The following COMMD2 variants were observed in gnomAD, a reference collection of about 807,000 sequenced individuals.
COMMD2 encodes COMM domain containing 2, also known as COMM domain-containing protein 2.
Under a neutral mutation model 22.5 loss-of-function variants are expected in COMMD2, and 25 were observed. That is an observed-to-expected ratio of 1.11 (90% CI 0.81 to 1.55). The LOEUF is 1.55. COMMD2 is among the 40% of genes most tolerant of loss of function. The pLI, the probability that COMMD2 is intolerant of heterozygous loss-of-function variation, is 0.00. For synonymous variants in COMMD2, 98 were observed against 91.2 expected (o/e 1.07, Z -0.42); for missense variants, 223 against 232.9 (o/e 0.96, Z 0.28).
chr3:149,748,989 ATTG>A (rs767238209), intron 4 of COMMD2, among the ~76,000 whole-genome samples: 7 of 151,032 alleles, frequency 4.6e-5, no homozygotes, highest in Non-Finnish European at 8.9e-5. Flanking sequence ...TTCCTACATG[ATTG>A]TTTTTTAATG....
chr3:149,751,862 T>A (rs114193008), intron 2 of COMMD2: 244 of 276,454 alleles, frequency 8.8e-4, no homozygotes, highest in African/African-American at 5.3e-3. Context: ...AAAGCGGATA[T>A]CTGAACAACT....
In COMMD2 at chr3:149,751,246, A is replaced by C. The variant is rs1048200133; in HGVS notation, c.228+157T>G. ...AGAGGTATTCATATCAGCAGATGATATGATTTTTATTTTTTAGGTATGTCT... is the reference window on the plus strand; with the variant it reads ...AGAGGTATTCATATCAGCAGATGATCTGATTTTTATTTTTTAGGTATGTCT... On this transcript the variant is annotated intron_variant, in intron 3 of 4. Transcript: ENST00000473414. The C allele has an allele frequency of 9.6e-6, 11 of 1,147,436 alleles. No individual in the cohort carries two copies. The East Asian group carries it at 2.9e-4, about 30-fold the overall frequency. The allele number at this position is 1,147,436 out of a possible 1,614,324, so 71.1% of individuals were successfully genotyped here. A position where few individuals can be genotyped will look rare whatever the true frequency, so the allele number is the denominator to read the frequency against.
chr3:149,745,379 T>G (rs1246439171), intron 4 of COMMD2, among the ~76,000 whole-genome samples: 4 of 152,146 alleles, frequency 2.6e-5, no homozygotes, highest in Non-Finnish European at 5.9e-5. Context: ...TCATGCCTAT[T>G]ATATGCCAGG....
chr3:149,752,281 G>A lies in COMMD2; in HGVS notation c.74C>T (p.Ala25Val). The A allele has an allele frequency of 6.2e-7, 1 of 1,614,074 alleles. No individual in the cohort carries two copies. The highest frequency in any genetic ancestry group is 8.5e-7 in the Non-Finnish European group (1 of 1,179,960). ...FLPQVDSAVV[A>V]EFGRIAVEFL... Reference sequence around the variant, plus strand: ...TTCCACAGCAATCCGCCCAAACTCGGCGACCACTGCAATGAAAGTCAGAAG... The same window carrying A: ...TTCCACAGCAATCCGCCCAAACTCGACGACCACTGCAATGAAAGTCAGAAG... The change falls in exon 2 of 5, where the codon GCC becomes GTC. Residue 25 changes from alanine (A) to valine (V), a missense_variant. Coordinates refer to ENST00000473414, the MANE Select transcript of COMMD2 (RefSeq NM_016094.4).
intron 4 of COMMD2, among the ~76,000 whole-genome samples, chr3:149,749,608 G>A (rs1716474259): frequency 6.6e-6 from 1 of 152,164 alleles, no homozygotes; most frequent in Non-Finnish European, 1.5e-5. Context: ...GAGAACAAGT[G>A]CACTATAATA....
intron 2 of COMMD2, 79 bp downstream of exon 2, chr3:149,752,130 AT>A: frequency 8.5e-7 from 1 of 1,173,514 alleles, no homozygotes; most frequent in African/African-American, 1.5e-5. Flanking sequence ...ACTCGCAATA[AT>A]CCGTTTCTCT....
intron 4 of COMMD2, among the ~76,000 whole-genome samples, chr3:149,746,910 G>C (rs1716387781): frequency 6.6e-6 from 1 of 152,232 alleles, no homozygotes; most frequent in African/African-American, 2.4e-5. Context: ...GAGAGAGAAT[G>C]AACGCCAGAT....
chr3:149,752,254 A>C lies in COMMD2; in HGVS notation c.101T>G (p.Phe34Cys), dbSNP rs763709780. 5.6e-6 allele frequency: 9 copies of C among 1,613,996 alleles called. No individual in the cohort carries two copies. Among genetic ancestry groups the C allele is most frequent in the Non-Finnish European group, 5.9e-6 (7 of 1,180,006 alleles). ...VAEFGRIAVE[F>C]LRRGANPKIY... The stretch of plus-strand genomic sequence containing the variant: ...TTTTGGGTTTGCGCCGCGTCTCAGG[A>C]ATTCCACAGCAATCCGCCCAAACTC... Residue 34 changes from phenylalanine (F) to cysteine (C), a missense_variant, in exon 2 of 5, where the codon TTC becomes TGC. By Grantham distance (205) the Phe-to-Cys change is radical. Transcript: ENST00000473414.
rs1716553120 is a variant in COMMD2 at position 149,752,250 on chromosome 3, C to T, written c.105G>A (p.Leu35=). Residue 35 remains leucine (L), a synonymous_variant, in exon 2 of 5, where the codon CTG becomes CTA. Coordinates refer to ENST00000473414, the MANE Select transcript of COMMD2 (RefSeq NM_016094.4). ...AEFGRIAVEF[L]RRGANPKIYE... is the part of the protein sequence containing the mutation. ...AGATTTTTGGGTTTGCGCCGCGTCT[C>T]AGGAATTCCACAGCAATCCGCCCAA... 6.2e-7 allele frequency: 1 copy of T among 1,614,020 alleles called. No homozygotes were observed.
intron 3 of COMMD2, chr3:149,751,192 T>C (rs959950089): frequency 5.3e-5 from 34 of 636,898 alleles, no homozygotes; most frequent in Non-Finnish European, 7.7e-5. Context: ...GAATTAGAGG[T>C]ACTTCTATAC....
In COMMD2 at chr3:149,740,456, C is replaced by CA. The variant is rs1354356338; in HGVS notation, c.*1064dup. 6.6e-6 allele frequency: 1 copy of CA among 152,126 alleles called. No individual in the cohort carries two copies. Among genetic ancestry groups the CA allele is most frequent in the Non-Finnish European group, 1.5e-5 (1 of 68,022 alleles). The allele number at this position is 152,126 out of a possible 1,614,324, so 9.4% of individuals were successfully genotyped here. On this transcript the variant is annotated 3_prime_UTR_variant, in exon 5 of 5. Coordinates refer to ENST00000473414, the MANE Select transcript of COMMD2 (RefSeq NM_016094.4). Reference sequence around the variant, plus strand: ...ATCCATTATTTGTAAATGTAAATGACAGAGTGTCTCCTAGATGCTTTGGGT... The same window carrying CA: ...ATCCATTATTTGTAAATGTAAATGACAAGAGTGTCTCCTAGATGCTTTGGGT...
At chr3:149,746,768 C>T (rs1223746554) in intron 4 of COMMD2, among the ~76,000 whole-genome samples, 1 of 152,042 alleles carries the variant, frequency 6.6e-6, no homozygotes, top group Non-Finnish European at 1.5e-5. Context: ...GGCTACACAG[C>T]GAGACTCTGT....
At chr3:149,748,420 C>T (rs945849451) in intron 4 of COMMD2, among the ~76,000 whole-genome samples, 3 of 152,134 alleles carry the variant, frequency 2.0e-5, no homozygotes, top group African/African-American at 7.2e-5. Context: ...CCTGCTATCC[C>T]AGTGTTTACA....
chr3:149,742,031 C>T (rs112300124), intron 4 of COMMD2, among the ~76,000 whole-genome samples: 1 of 150,898 alleles, frequency 6.6e-6, no homozygotes, highest in Non-Finnish European at 1.5e-5. Context: ...AGTCATAAAC[C>T]GAGAGAAGGG....
intron 4 of COMMD2, among the ~76,000 whole-genome samples, chr3:149,742,860 G>C (rs1214871273): frequency 6.6e-6 from 1 of 151,942 alleles, no homozygotes; most frequent in African/African-American, 2.4e-5. Context: ...CAGCTACTTG[G>C]GAGGCTGAGG....
rs138597206 is a variant in COMMD2, at chr3:149,752,461, T to G, written c.-17A>C. 3 of 1,608,942 alleles carry G rather than the reference T, an allele frequency of 1.9e-6. No homozygotes were observed. Among genetic ancestry groups the G allele is most frequent in the African/African-American group, 2.7e-5 (2 of 74,986 alleles). On this transcript the variant is annotated 5_prime_UTR_variant, in exon 1 of 5. Coordinates refer to ENST00000473414, the MANE Select transcript of COMMD2 (RefSeq NM_016094.4). ...CAGCAGCATCTTCACTGTCCTACGA[T>G]TTCACCCGGCAGCGCCGACCCCGCC...
At chr3:149,750,982 G>T in intron 3 of COMMD2, 131 bp from the exon 4 acceptor site, 1 of 599,366 alleles carries the variant, frequency 1.7e-6, no homozygotes, top group Non-Finnish European at 2.7e-6. Flanking sequence ...CTTAACCACT[G>T]ACCACCATTC....
chr3:149,748,734 G>A (rs538545878), intron 4 of COMMD2, among the ~76,000 whole-genome samples: 1 of 152,332 alleles, frequency 6.6e-6, no homozygotes, highest in Non-Finnish European at 1.5e-5. Flanking sequence ...ACAAAGGAGC[G>A]TGACTGTGTC....
rs775488199 is a variant in COMMD2 at position 149,751,356 on chromosome 3, G to A, written c.228+47C>T. 1.3e-5 allele frequency: 21 copies of A among 1,613,296 alleles called. No individual in the cohort carries two copies. The African/African-American group carries it at 2.3e-4, about 17-fold the overall frequency. On this transcript the variant is annotated intron_variant, in intron 3 of 4. Transcript: ENST00000473414. ...ACTATGATGTAGAGTACACCAGACC[G>A]TTCTTAAGAATCCAGCCAACACAAA...
Sources: gnomAD v4.1 joint callset for allele counts (sites outside exome capture counted in the v4.1 genomes callset) on GRCh38, gnomAD v4.1.1 for gene constraint, MANE v1.5 for transcripts, NCBI Gene and HGNC (gene_info 2026-07-23, HGNC 2026-07-21) for gene names.